The following FCSK variants were observed in gnomAD, a reference collection of about 807,000 sequenced individuals.
FCSK encodes the protein fucose kinase.
In FCSK, 123 loss-of-function variants were observed where a neutral mutation model predicts 122.5. That is an observed-to-expected ratio of 1.00 (90% confidence interval 0.87 to 1.17). The LOEUF is 1.17. FCSK is among the 50% of genes most tolerant of loss of function. The probability of loss-of-function intolerance (pLI) is 0.00; values close to 1 mark genes in which losing one functional copy is unlikely to be tolerated. For missense variants in FCSK, 1,366 were observed against 1,450.4 expected (o/e 0.94, Z 0.95); for synonymous variants, 620 against 625.5 (o/e 0.99, Z 0.13).
chr16:70,466,253 A>T lies in FCSK; in HGVS notation c.407A>T (p.Tyr136Phe). 1 of 1,613,880 alleles carries T rather than the reference A, an allele frequency of 6.2e-7. No homozygotes were observed. Among genetic ancestry groups the T allele is most frequent in the Non-Finnish European group, 8.5e-7 (1 of 1,179,844 alleles). Residue 136 changes from tyrosine (Y) to phenylalanine (F), a missense_variant, in exon 5 of 24, where the codon TAT (tyrosine) becomes TTT (phenylalanine). By Grantham distance (22) the Tyr-to-Phe change is conservative. Coordinates refer to ENST00000288078, the MANE Select transcript of FCSK (RefSeq NM_145059.3). ...GACTGCCTGCTGGACATCATGACCTATCGGGTGAGGCTGGGTGGTGGCCCG... is the reference window on the plus strand; with the variant it reads ...GACTGCCTGCTGGACATCATGACCTTTCGGGTGAGGCTGGGTGGTGGCCCG... Reference protein sequence around the residue: ...NLDCLLDIMTYRLGPGSPPGV... With the variant: ...NLDCLLDIMTFRLGPGSPPGV...
In FCSK at chr16:70,467,945, G is replaced by A. The variant is rs753609053; in HGVS notation, c.642G>A (p.Arg214=). The change falls in exon 8 of 24, where the codon AGG becomes AGA. Residue 214 remains arginine (R), a synonymous_variant. Transcript: ENST00000288078. ...AGGCAGAGATTCAGCGGTGTGTCAG[G>A]CCTGATGGGCGGGTGCCACTGGTAT... is the stretch of plus-strand genomic sequence containing the variant. ...GTEAEIQRCV[R]PDGRVPLVSG... 2.2e-5 allele frequency: 36 copies of A among 1,614,132 alleles called. No homozygotes were observed. Among genetic ancestry groups the A allele is most frequent in the Non-Finnish European group, 2.8e-5 (33 of 1,180,002 alleles).
At chr16:70,460,729 A>G (rs1363332998) in intron 1 of FCSK, among the ~76,000 whole-genome samples, 1 of 152,218 alleles carries the variant, frequency 6.6e-6, no homozygotes, top group African/African-American at 2.4e-5. Flanking sequence ...GCTGCCTGCC[A>G]GAGGAGTCTG....
intron 1 of FCSK, among the ~76,000 whole-genome samples, chr16:70,457,301 C>T (rs2048120429): frequency 6.6e-6 from 1 of 152,040 alleles, no homozygotes; most frequent in African/African-American, 2.4e-5. Flanking sequence ...GTTGCCCAGG[C>T]TAGAGTGCAG....
At chr16:70,467,280 G>A in intron 6 of FCSK, 94 bp from the exon 7 acceptor site, 3 of 807,034 alleles carry the variant, frequency 3.7e-6, no homozygotes, top group Non-Finnish European at 6.0e-6. Flanking sequence ...AGGTGCCCAG[G>A]TGCCGCAGCC....
chr16:70,479,412 G>A lies in FCSK; in HGVS notation c.3153+9G>A, dbSNP rs757006786. On this transcript the variant is annotated intron_variant, in intron 23 of 23. Transcript: ENST00000288078. ...TGCTGGCCAAGACCGAGGTACTGAT[G>A]GGGCTGGGGTTGGTAAAGAGACCTC... The A allele has an allele frequency of 6.2e-7, 1 of 1,609,240 alleles. No individual in the cohort carries two copies. Among genetic ancestry groups the A allele is most frequent in the Admixed American group, 1.7e-5 (1 of 59,518 alleles).
rs2048025633 is a variant in FCSK, at chr16:70,454,603, C to T, written c.-50C>T. 6.6e-6 allele frequency: 1 copy of T among 152,088 alleles called. No homozygotes were observed. The highest frequency in any genetic ancestry group is 1.5e-5 in the Non-Finnish European group (1 of 68,010). The allele number at this position is 152,088 out of a possible 1,614,324, so 9.4% of individuals were successfully genotyped here. ...TCGCGCAGCCTCGCGTTAAAGAGCCCGCTCCGCCGAGCGCCGGGCGACGGC... is the reference window on the plus strand; with the variant it reads ...TCGCGCAGCCTCGCGTTAAAGAGCCTGCTCCGCCGAGCGCCGGGCGACGGC... On this transcript the variant is annotated 5_prime_UTR_variant, in exon 1 of 24. Transcript: ENST00000288078.
At chr16:70,469,542 G>T (rs2048542425) in intron 10 of FCSK, among the ~76,000 whole-genome samples, 1 of 150,946 alleles carries the variant, frequency 6.6e-6, no homozygotes, top group Non-Finnish European at 1.5e-5. Context: ...TTTTGTTTCT[G>T]TTTTTTTTTG....
At chr16:70,463,585 A>G (rs2048329758) in intron 2 of FCSK, 38 bp from the exon 3 acceptor site, 1 of 1,609,070 alleles carries the variant, frequency 6.2e-7, no homozygotes, top group African/African-American at 1.3e-5. Context: ...CAGGGCAGAG[A>G]GCTGGGGGGC....
chr16:70,463,801 T>C, intron 3 of FCSK, 27 bp downstream of exon 3: 1 of 1,585,328 alleles, frequency 6.3e-7, no homozygotes, highest in Non-Finnish European at 8.6e-7. Context: ...GCCACCTCCC[T>C]GGTCTGTGTC....
chr16:70,465,016 C>G, intron 3 of FCSK, 110 bp from the exon 4 acceptor site: 1 of 1,560,212 alleles, frequency 6.4e-7, no homozygotes. Flanking sequence ...CCTTTTGTCC[C>G]TTGGGTACCT....
chr16:70,468,831 T>G lies in FCSK; in HGVS notation c.664-18T>G. On this transcript the variant is annotated intron_variant, in intron 8 of 23. Transcript: ENST00000288078. Reference sequence around the variant, plus strand: ...GTCCAGGGCCCTCCATCTCTGATCCTTTTGGGGTCCCTTCCAGGTCTCTGG... The same window carrying G: ...GTCCAGGGCCCTCCATCTCTGATCCGTTTGGGGTCCCTTCCAGGTCTCTGG... 2 of 1,613,684 alleles carry G rather than the reference T, an allele frequency of 1.2e-6. No individual in the cohort carries two copies. Among genetic ancestry groups the G allele is most frequent in the South Asian group, 2.2e-5 (2 of 91,074 alleles).
In FCSK at chr16:70,468,226, A is replaced by G. The variant is rs538801214; in HGVS notation, c.663+260A>G. Among the ~76,000 whole-genome samples, 7 of 152,314 alleles carry G rather than the reference A, an allele frequency of 4.6e-5. No individual in the cohort carries two copies. In the South Asian group the frequency reaches 8.3e-4, roughly 18 times the overall value. On this transcript the variant is annotated intron_variant, in intron 8 of 23. Coordinates refer to ENST00000288078, the MANE Select transcript of FCSK (RefSeq NM_145059.3). Reference sequence around the variant, plus strand: ...CAGTTGAGGTCAGGAGTTCGAGACCAGTCTGGGCAACGTGGTGAAACCCTG... The same window carrying G: ...CAGTTGAGGTCAGGAGTTCGAGACCGGTCTGGGCAACGTGGTGAAACCCTG...
chr16:70,465,529 A>G (rs1180556551), intron 4 of FCSK, among the ~76,000 whole-genome samples: 1 of 152,064 alleles, frequency 6.6e-6, no homozygotes, highest in Non-Finnish European at 1.5e-5. Context: ...ATGGTGGTGC[A>G]CACCTGTAGT....
intron 6 of FCSK, 198 bp downstream of exon 6, chr16:70,467,152 CAG>C: frequency 1.5e-6 from 1 of 648,336 alleles, no homozygotes; most frequent in Non-Finnish European, 2.7e-6. Flanking sequence ...ATAGGATGGA[CAG>C]AAGCAGCCCT....
intron 1 of FCSK, among the ~76,000 whole-genome samples, chr16:70,455,621 G>GT (rs2048070288): frequency 6.6e-6 from 1 of 151,576 alleles, no homozygotes. Flanking sequence ...GCCGGGCGAG[G>GT]TGGCTCACGC....
intron 18 of FCSK, 105 bp downstream of exon 18, chr16:70,475,116 C>A: frequency 1.7e-6 from 2 of 1,146,786 alleles, no homozygotes; most frequent in South Asian, 1.5e-5. Context: ...GCCAGCCAGT[C>A]TGGCTGAGGA....
At chr16:70,477,099 T>TACTCCAGA (rs1461303353) in intron 20 of FCSK, among the ~76,000 whole-genome samples, 28 of 152,232 alleles carry the variant, frequency 1.8e-4, no homozygotes, top group Admixed American at 1.6e-3. Context: ...CTTCTGTCTT[T>TACTCCAGA]TGCATTTCAT....
In FCSK at chr16:70,480,244, A is replaced by C. The variant is rs1382664078; in HGVS notation, c.*564A>C. On this transcript the variant is annotated 3_prime_UTR_variant, in exon 24 of 24. Coordinates refer to ENST00000288078, the MANE Select transcript of FCSK (RefSeq NM_145059.3). Reference sequence around the variant, plus strand: ...TGGGAAGTGGGTTCTCAGGACTGGCATTCTTGGAATAAATTCACTCTGTCC... The same window carrying C: ...TGGGAAGTGGGTTCTCAGGACTGGCCTTCTTGGAATAAATTCACTCTGTCC... 6.5e-6 allele frequency: 1 copy of C among 153,542 alleles called. No homozygotes were observed. The highest frequency in any genetic ancestry group is 2.4e-5 in the African/African-American group (1 of 41,456). 9.5% of individuals were successfully genotyped at this position (153,542 alleles called of 1,614,324 possible).
At chr16:70,464,846 C>T (rs1337470485) in intron 3 of FCSK, among the ~76,000 whole-genome samples, 1 of 152,102 alleles carries the variant, frequency 6.6e-6, no homozygotes, top group Non-Finnish European at 1.5e-5. Context: ...CCACTGCACT[C>T]CAGACTGGGT....
Sources: allele counts gnomAD v4.1 joint callset (sites outside exome capture counted in the v4.1 genomes callset), GRCh38; gene constraint gnomAD v4.1.1; transcripts MANE v1.5; gene names NCBI Gene and HGNC (gene_info 2026-07-23, HGNC 2026-07-21).